The following GDF6 variants were observed in gnomAD, a reference collection of about 807,000 sequenced individuals.
GDF6 encodes the protein growth differentiation factor 6.
GDF6 carries 3 observed loss-of-function variants against 32.4 expected under a neutral mutation model. The observed-to-expected ratio is 0.09, with a 90% confidence interval of 0.04 to 0.24. GDF6 has a LOEUF of 0.24. Ranked by LOEUF, GDF6 falls within the 10% of genes least tolerant of loss-of-function variation. The pLI is 1.00. For synonymous variants in GDF6, 296 were observed against 295.3 expected (o/e 1.00, Z -0.03); for missense variants, 589 against 637.9 (o/e 0.92, Z 0.83).
At chr8:96,146,707 C>CAGAG (rs1554571546) in intron 1 of GDF6, among the ~76,000 whole-genome samples, 9 of 140,020 alleles carry the variant, frequency 6.4e-5, no homozygotes, top group South Asian at 2.3e-4. Flanking sequence ...CACACACACA[C>CAGAG]AGAGAGAGAG....
chr8:96,144,944 G>A lies in GDF6; in HGVS notation c.987C>T (p.Pro329=), dbSNP rs1215839344. ...APDARPWLPS[P]GRRRRRTAFA... The stretch of plus-strand genomic sequence containing the variant: ...AGGCCGTGCGCCGCCGCCGGCGGCC[G>A]GGCGAGGGCAGCCAAGGCCTGGCAT... The change falls in exon 2 of 2, where the codon CCC becomes CCT. Residue 329 remains proline, a synonymous_variant. Coordinates refer to ENST00000287020, the MANE Select transcript of GDF6 (RefSeq NM_001001557.4). The surrounding 1 kb of genome is among the most constrained non-coding windows in gnomAD (Gnocchi z 5.1). 4 of 1,564,528 alleles carry A rather than the reference G, an allele frequency of 2.6e-6. No homozygotes were observed. Among genetic ancestry groups the A allele is most frequent in the African/African-American group, 2.7e-5 (2 of 73,640 alleles).
chr8:96,145,568 A>G lies in GDF6; in HGVS notation c.407-44T>C. ...TTACAGTCAGTTTCACTTAAGGGGG[A>G]GATCAGCCCGGTGCTCTTCGGCCGC... On this transcript the variant is annotated intron_variant, in intron 1 of 1. Coordinates refer to ENST00000287020, the MANE Select transcript of GDF6 (RefSeq NM_001001557.4). The surrounding 1 kb of genome is among the most constrained non-coding windows in gnomAD (Gnocchi z 5.6). 1.3e-6 allele frequency: 2 copies of G among 1,596,334 alleles called. No homozygotes were observed. The highest frequency in any genetic ancestry group is 8.5e-7 in the Non-Finnish European group (1 of 1,179,188).
intron 1 of GDF6, among the ~76,000 whole-genome samples, chr8:96,146,705 C>CAGAGAG (rs555323322): frequency 2.2e-4 from 30 of 138,366 alleles, no homozygotes; most frequent in African/African-American, 8.5e-4. Flanking sequence ...CACACACACA[C>CAGAGAG]ACAGAGAGAG....
rs895981238 is a variant in GDF6, at chr8:96,144,492, A to C, written c.*71T>G. The C allele has an allele frequency of 4.5e-5, 70 of 1,569,336 alleles. No homozygotes were observed. Among genetic ancestry groups the C allele is most frequent in the Non-Finnish European group, 5.5e-5 (64 of 1,157,534 alleles). ...CCAGCTTCCTCCTCCGCCTCTCTGCAGCCAGGCCTCCCCTGCAAGGCGGAC... is the reference window on the plus strand; with the variant it reads ...CCAGCTTCCTCCTCCGCCTCTCTGCCGCCAGGCCTCCCCTGCAAGGCGGAC... On this transcript the variant is annotated 3_prime_UTR_variant, in exon 2 of 2. Coordinates refer to ENST00000287020, the MANE Select transcript of GDF6 (RefSeq NM_001001557.4). The surrounding 1 kb of genome is among the most constrained non-coding windows in gnomAD (Gnocchi z 5.1).
chr8:96,150,746 A>C (rs1344429620), intron 1 of GDF6, among the ~76,000 whole-genome samples: 1 of 152,278 alleles, frequency 6.6e-6, no homozygotes, highest in Non-Finnish European at 1.5e-5. Flanking sequence ...TCCTGCAGCC[A>C]TGCTGCTCTA....
At chr8:96,153,414 A>G (rs1187459716) in intron 1 of GDF6, among the ~76,000 whole-genome samples, 1 of 152,142 alleles carries the variant, frequency 6.6e-6, no homozygotes, top group East Asian at 1.9e-4. Context: ...ACCCAAACCG[A>G]AGCTCTCGTA....
At chr8:96,160,230 C>T in intron 1 of GDF6, 57 bp downstream of exon 1, 1 of 1,570,846 alleles carries the variant, frequency 6.4e-7, no homozygotes, top group East Asian at 2.2e-5. Flanking sequence ...GCGGGAACAG[C>T]TCCCTGGCTG....
chr8:96,158,664 A>G (rs1283337950), intron 1 of GDF6, among the ~76,000 whole-genome samples: 1 of 152,162 alleles, frequency 6.6e-6, no homozygotes, highest in Non-Finnish European at 1.5e-5. Flanking sequence ...CCGCAATTGT[A>G]GTAGAGAAAG....
Position 96,160,481 on chromosome 8 carries a change from G to A in GDF6, c.212C>T (p.Pro71Leu). The A allele has an allele frequency of 1.9e-6, 3 of 1,612,778 alleles. No homozygotes were observed. Among genetic ancestry groups the A allele is most frequent in the South Asian group, 1.1e-5 (1 of 90,994 alleles). ...CTGCTGAGCCCGGGGTTCGTCCTGA[G>A]GCCGCGGCTGTGGTTCCTGGCCCTC... ...GREGQEPQPR[P>L]QDEPRAQQPR... The change falls in exon 1 of 2, where the codon CCT (proline) becomes CTT (leucine). Residue 71 changes from proline (P) to leucine (L), a missense_variant. This residue lies in a region of GDF6 where 436 missense variants were observed against 411.2 expected (regional missense o/e 1.06). Coordinates refer to ENST00000287020, the MANE Select transcript of GDF6 (RefSeq NM_001001557.4).
intron 1 of GDF6, among the ~76,000 whole-genome samples, chr8:96,151,983 A>G (rs1481182732): frequency 2.0e-5 from 3 of 152,192 alleles, no homozygotes; most frequent in Non-Finnish European, 2.9e-5. Flanking sequence ...CAGTGAATGC[A>G]GCCAATATTT....
Position 96,143,273 on chromosome 8 carries a change from G to A in GDF6, c.*1290C>T, listed in dbSNP as rs1396378390. ...ACAATCTGAACCAATTCTTTTGGGG[G>A]AGCCCTGGGCTATTGCTGGCTGGTA... On this transcript the variant is annotated 3_prime_UTR_variant, in exon 2 of 2. Transcript: ENST00000287020. The A allele has an allele frequency of 6.6e-6, 1 of 152,658 alleles. No homozygotes were observed. Among genetic ancestry groups the A allele is most frequent in the African/African-American group, 2.4e-5 (1 of 41,440 alleles). The allele number at this position is 152,658 out of a possible 1,614,324, so 9.5% of individuals were successfully genotyped here.
chr8:96,145,196 G>A lies in GDF6; in HGVS notation c.735C>T (p.Ala245=). The part of the protein sequence containing the change: ...AAWGELDAGE[A]EARARGPQQP... ...GCTGGGGTCCCCGCGCGCGCGCCTC[G>A]GCCTCCCCGGCGTCCAGCTCGCCCC... is the stretch of plus-strand genomic sequence containing the variant. Residue 245 remains alanine, a synonymous_variant, in exon 2 of 2, where the codon GCC becomes GCT. Transcript: ENST00000287020. This position sits in a 1 kb window ranked among gnomAD's most constrained non-coding sequence, Gnocchi z 5.6. 6.7e-7 allele frequency: 1 copy of A among 1,499,090 alleles called. No individual in the cohort carries two copies. The highest frequency in any genetic ancestry group is 8.8e-7 in the Non-Finnish European group (1 of 1,131,898). The allele number at this position is 1,499,090 out of a possible 1,614,324, so 92.9% of individuals were successfully genotyped here. A position where few individuals can be genotyped will look rare whatever the true frequency, so the allele number is the denominator to read the frequency against.
intron 1 of GDF6, among the ~76,000 whole-genome samples, chr8:96,147,141 C>CG (rs1563509828): frequency 6.6e-6 from 1 of 152,178 alleles, no homozygotes; most frequent in African/African-American, 2.4e-5. Flanking sequence ...AGATGTAGCC[C>CG]GGGGGCACTG....
chr8:96,145,079 G>C lies in GDF6; in HGVS notation c.852C>G (p.Ser284=), dbSNP rs74498875. 9.8e-4 allele frequency: 1,476 copies of C among 1,511,240 alleles called. 21 individuals are homozygous for C. The African/African-American group carries it at 0.019, about 19-fold the overall frequency. 93.6% of individuals were successfully genotyped at this position (1,511,240 alleles called of 1,614,324 possible). A position where few individuals can be genotyped will look rare whatever the true frequency, so the allele number is the denominator to read the frequency against. The part of the protein sequence containing the change: ...ERALLVVFTR[S]QRKNLFAEMR... ...TCTCTGCGAACAGGTTCTTGCGCTGGGATCTGGTGAATACCACCAGCAGGG... is the reference window on the plus strand; with the variant it reads ...TCTCTGCGAACAGGTTCTTGCGCTGCGATCTGGTGAATACCACCAGCAGGG... The change falls in exon 2 of 2, where the codon TCC becomes TCG. Residue 284 remains serine (S), a synonymous_variant. Coordinates refer to ENST00000287020, the MANE Select transcript of GDF6 (RefSeq NM_001001557.4). This position sits in a 1 kb window ranked among gnomAD's most constrained non-coding sequence, Gnocchi z 5.6.
intron 1 of GDF6, among the ~76,000 whole-genome samples, chr8:96,146,705 C>CAGAG (rs555323322): frequency 1.5e-3 from 202 of 138,448 alleles, no homozygotes; most frequent in South Asian, 3.8e-3. Context: ...CACACACACA[C>CAGAG]ACAGAGAGAG....
Position 96,144,461 on chromosome 8 carries a change from C to G in GDF6, c.*102G>C. 2.1e-6 allele frequency: 3 copies of G among 1,440,112 alleles called. No homozygotes were observed. The highest frequency in any genetic ancestry group is 2.8e-6 in the Non-Finnish European group (3 of 1,063,768). The allele number at this position is 1,440,112 out of a possible 1,614,324, so 89.2% of individuals were successfully genotyped here. A position where few individuals can be genotyped will look rare whatever the true frequency, so the allele number is the denominator to read the frequency against. Reference sequence around the variant, plus strand: ...GCTGTTCCCTCACCCTCAGCCTCCCCCAGCGCCAGCTTCCTCCTCCGCCTC... The same window carrying G: ...GCTGTTCCCTCACCCTCAGCCTCCCGCAGCGCCAGCTTCCTCCTCCGCCTC... On this transcript the variant is annotated 3_prime_UTR_variant, in exon 2 of 2. Coordinates refer to ENST00000287020, the MANE Select transcript of GDF6 (RefSeq NM_001001557.4). This position sits in a 1 kb window ranked among gnomAD's most constrained non-coding sequence, Gnocchi z 5.1.
chr8:96,145,326 A>T lies in GDF6; in HGVS notation c.605T>A (p.Leu202Gln). 1 of 1,536,816 alleles carries T rather than the reference A, an allele frequency of 6.5e-7. No homozygotes were observed. Among genetic ancestry groups the T allele is most frequent in the Non-Finnish European group, 8.7e-7 (1 of 1,147,708 alleles). ...GGCCGGCGGCGCCCCCTGCGGGTCC[A>T]GGGTCCGCGCGTCCAGCAGTAGGGG... ...LSPLLLDART[L>Q]DPQGAPPAGW... Residue 202 changes from leucine to glutamine, a missense_variant, in exon 2 of 2, where the codon CTG becomes CAG. Leu to Gln is a moderately radical substitution (Grantham distance 113). Transcript: ENST00000287020. The surrounding 1 kb of genome is among the most constrained non-coding windows in gnomAD (Gnocchi z 5.6).
At chr8:96,146,861 G>A (rs980853978) in intron 1 of GDF6, among the ~76,000 whole-genome samples, 1 of 152,174 alleles carries the variant, frequency 6.6e-6, no homozygotes, top group Non-Finnish European at 1.5e-5. Context: ...GAGTGTAACA[G>A]GCTTTTAAAA....
chr8:96,145,020 C>T lies in GDF6; in HGVS notation c.911G>A (p.Gly304Asp). Residue 304 changes from glycine to aspartate, a missense_variant, in exon 2 of 2, where the codon GGC becomes GAC. Transcript: ENST00000287020. The surrounding 1 kb of genome is among the most constrained non-coding windows in gnomAD (Gnocchi z 5.6). ...CGACCCCTCGGCGCCCGCGCCCGGG[C>T]CCGCAGCCTCGGCCGAGCCCAGCTG... ...REQLGSAEAA[G>D]PGAGAEGSWP... 7.1e-7 allele frequency: 1 copy of T among 1,417,690 alleles called. No individual in the cohort carries two copies. The highest frequency in any genetic ancestry group is 9.2e-7 in the Non-Finnish European group (1 of 1,085,662). 87.8% of individuals were successfully genotyped at this position (1,417,690 alleles called of 1,614,324 possible). A position where few individuals can be genotyped will look rare whatever the true frequency, so the allele number is the denominator to read the frequency against.
Sources: allele counts gnomAD v4.1 joint callset (sites outside exome capture counted in the v4.1 genomes callset), GRCh38; gene constraint gnomAD v4.1.1; regional missense constraint gnomAD v4.1.1; non-coding constraint Gnocchi (gnomAD v3.1); transcripts MANE v1.5; gene names NCBI Gene and HGNC (gene_info 2026-07-23, HGNC 2026-07-21).